Variants in SCLT1 observed in about 807,000 individuals in gnomAD.
The protein encoded by SCLT1 is sodium channel-associated protein 1.
A neutral mutation model predicts 112.8 loss-of-function variants in SCLT1; 78 were observed. That is an observed-to-expected ratio of 0.69 (90% CI 0.58 to 0.83). The LOEUF (loss-of-function observed/expected upper bound fraction) is 0.83. Among genes scored for constraint, SCLT1 ranks in the 40% least tolerant of loss-of-function variants. The pLI, the probability that SCLT1 is intolerant of heterozygous loss-of-function variation, is 0.00. For missense variants in SCLT1, 747 were observed against 770.4 expected, an observed-to-expected ratio of 0.97 and a Z score of 0.36; for synonymous variants, 257 against 254.7, an observed-to-expected ratio of 1.01 and a Z score of -0.09.
At chr4:128,877,229 G>A (rs748871163) in intron 3 of SCLT1, among the ~76,000 whole-genome samples, 1 of 152,180 alleles carries the variant, frequency 6.6e-6, no homozygotes, top group Non-Finnish European at 1.5e-5. Context: ...TCCTTATAAC[G>A]TGAAGTAGGC....
At chr4:129,030,874 T>A (rs1424421889) in intron 5 of SCLT1, among the ~76,000 whole-genome samples, 1 of 151,318 alleles carries the variant, frequency 6.6e-6, no homozygotes, top group African/African-American at 2.4e-5. Flanking sequence ...GAATTCTACA[T>A]CAATATTCTG....
intron 5 of SCLT1, among the ~76,000 whole-genome samples, chr4:129,030,632 C>T (rs1449602735): frequency 6.6e-6 from 1 of 152,030 alleles, no homozygotes; most frequent in African/African-American, 2.4e-5. Context: ...ATGGGGATAT[C>T]ACCACTGATC....
chr4:128,923,890 C>G (rs777327469), intron 18 of SCLT1, among the ~76,000 whole-genome samples: 3 of 152,012 alleles, frequency 2.0e-5, no homozygotes, highest in Non-Finnish European at 4.4e-5. Context: ...GGGTTCACAG[C>G]TGCAAACTCC....
intron 9 of SCLT1, among the ~76,000 whole-genome samples, chr4:128,974,248 G>T (rs1176063558): frequency 6.6e-6 from 1 of 152,084 alleles, no homozygotes; most frequent in Non-Finnish European, 1.5e-5. Flanking sequence ...CTCTGGGGAT[G>T]CCTGAATATC....
rs987076648 is a variant in SCLT1, at chr4:129,027,184, T to A, written c.290+11857A>T. 3.8e-3 allele frequency among the ~76,000 whole-genome samples: 577 copies of A among 152,238 alleles called. 1 individual carries two copies. The highest frequency in any genetic ancestry group is 0.011 in the African/African-American group (469 of 41,548). On this transcript the variant is annotated intron_variant, in intron 5 of 20. Coordinates refer to ENST00000281142, the MANE Select transcript of SCLT1 (RefSeq NM_144643.4). ...CCAATCAATAGAAAAGGAGGGAATC[T>A]TCCCTAACTCATTTTATGAGGCCAG...
chr4:128,997,960 G>A (rs753356535), intron 7 of SCLT1, 21 bp from the exon 8 acceptor site: 2 of 1,348,418 alleles, frequency 1.5e-6, no homozygotes, highest in South Asian at 1.7e-5. Context: ...AAGGTAAGGG[G>A]AGTATATAAA....
At chr4:129,088,876 G>A (rs1368828442) in intron 1 of SCLT1, among the ~76,000 whole-genome samples, 1 of 152,168 alleles carries the variant, frequency 6.6e-6, no homozygotes, top group Non-Finnish European at 1.5e-5. Flanking sequence ...ACACTTAAAT[G>A]TAAGACCTAA....
intron 6 of SCLT1, 124 bp from the exon 7 acceptor site, chr4:128,999,918 A>C (rs1444906846): frequency 2.0e-6 from 1 of 506,522 alleles, no homozygotes; most frequent in Non-Finnish European, 3.3e-6. Flanking sequence ...GAACTGTGTA[A>C]AGATGGTATT....
At chr4:129,084,460 T>C (rs1001069171) in intron 1 of SCLT1, among the ~76,000 whole-genome samples, 2 of 151,996 alleles carry the variant, frequency 1.3e-5, no homozygotes, top group African/African-American at 4.8e-5. Context: ...CAGTAATAAA[T>C]ACAACAGAAG....
intron 18 of SCLT1, among the ~76,000 whole-genome samples, chr4:128,898,908 A>G (rs967335066): frequency 2.6e-5 from 4 of 152,226 alleles, no homozygotes; most frequent in Non-Finnish European, 5.9e-5. Context: ...CTACGCAAAT[A>G]AACTAGAAAA....
intron 5 of SCLT1, among the ~76,000 whole-genome samples, chr4:129,027,962 C>A (rs1308937794): frequency 1.2e-4 from 19 of 152,138 alleles, no homozygotes; most frequent in African/African-American, 4.6e-4. Flanking sequence ...AGGAATCCAA[C>A]TTACAAGGGA....
intron 5 of SCLT1, among the ~76,000 whole-genome samples, chr4:129,023,838 T>A (rs1251823697): frequency 1.3e-5 from 2 of 152,182 alleles, no homozygotes; most frequent in South Asian, 4.1e-4. Context: ...CCCACCCTAA[T>A]ACTGCGCTTT....
chr4:128,895,712 C>A (rs920385903), intron 18 of SCLT1, among the ~76,000 whole-genome samples: 5 of 152,164 alleles, frequency 3.3e-5, no homozygotes, highest in African/African-American at 1.2e-4. Flanking sequence ...TGCAGCGCAC[C>A]TAGCATGAGC....
At chr4:129,033,978 T>C (rs894129888) in intron 5 of SCLT1, among the ~76,000 whole-genome samples, 22 of 152,158 alleles carry the variant, frequency 1.4e-4, no homozygotes, top group Admixed American at 3.9e-4. Context: ...CTTTGGGGAA[T>C]GCTTTTCTTC....
chr4:128,887,220 C>G (rs1012692042), intron 20 of SCLT1, among the ~76,000 whole-genome samples: 13 of 152,282 alleles, frequency 8.5e-5, no homozygotes, highest in African/African-American at 2.9e-4. Flanking sequence ...CACCTAACTT[C>G]TGTTACCTTA....
intron 11 of SCLT1, among the ~76,000 whole-genome samples, chr4:128,960,266 CATAT>C (rs556161334): frequency 6.6e-6 from 1 of 151,152 alleles, no homozygotes; most frequent in African/African-American, 2.4e-5. Flanking sequence ...ATCATATGTA[CATAT>C]ATATATATAC....
intron 5 of SCLT1, chr4:129,037,976 C>CA (rs201181019): frequency 3.3e-5 from 5 of 151,748 alleles, no homozygotes; most frequent in South Asian, 2.0e-4. Context: ...ACTGAAAATA[C>CA]AAAAAAAATT....
chr4:128,907,139 G>C lies in SCLT1; in HGVS notation c.1830-16002C>G, dbSNP rs114043302. On this transcript the variant is annotated intron_variant, in intron 18 of 20. Transcript: ENST00000281142. ...GATACAGAGTGTTACTAGGAGGTGG[G>C]GGTGGGAGTGAGAGAGGAACAAGCT... is the stretch of plus-strand genomic sequence containing the variant. Among the ~76,000 whole-genome samples the C allele has an allele frequency of 9.0e-3, 1,364 of 152,024 alleles. 7 individuals are homozygous for C. The highest frequency in any genetic ancestry group is 0.015 in the Non-Finnish European group (1,019 of 67,968).
At chr4:129,075,725 G>A (rs941968132) in intron 2 of SCLT1, among the ~76,000 whole-genome samples, 3 of 152,086 alleles carry the variant, frequency 2.0e-5, no homozygotes, top group Admixed American at 1.3e-4. Flanking sequence ...AAGATCTACT[G>A]GACAGTGCCG....
Sources: gnomAD v4.1 joint callset for allele counts (sites outside exome capture counted in the v4.1 genomes callset) on GRCh38, gnomAD v4.1.1 for gene constraint, MANE v1.5 for transcripts, NCBI Gene and HGNC (gene_info 2026-07-23, HGNC 2026-07-21) for gene names.